The following PAPPA2 variants were observed in gnomAD, a reference collection of about 807,000 sequenced individuals.
The protein encoded by PAPPA2 is pappalysin 2.
In PAPPA2, 86 loss-of-function variants were observed where a neutral mutation model predicts 176.4. That is an observed-to-expected ratio of 0.49 (90% confidence interval 0.41 to 0.58). PAPPA2 has a LOEUF of 0.58. Ranked by LOEUF, PAPPA2 falls within the 20% of genes least tolerant of loss-of-function variation. The probability of loss-of-function intolerance (pLI) is 0.00; values close to 1 mark genes in which losing one functional copy is unlikely to be tolerated. For synonymous variants in PAPPA2, 809 were observed against 852.2 expected (o/e 0.95, Z 0.88); for missense variants, 2,073 against 2,256.9 (o/e 0.92, Z 1.65).
At chr1:176,564,674 C>T (rs1325704424) in intron 2 of PAPPA2, among the ~76,000 whole-genome samples, 2 of 149,530 alleles carry the variant, frequency 1.3e-5, no homozygotes, top group Non-Finnish European at 3.0e-5. Context: ...ATGCTAGTTT[C>T]TTGGTATGAG....
chr1:176,644,779 C>T (rs182434250), intron 3 of PAPPA2, among the ~76,000 whole-genome samples: 1 of 151,718 alleles, frequency 6.6e-6, no homozygotes, highest in Admixed American at 6.6e-5. Flanking sequence ...TTCAGGAAAA[C>T]CTTCCTGGAT....
chr1:176,708,048 C>A (rs573242708), intron 10 of PAPPA2, among the ~76,000 whole-genome samples: 8 of 140,946 alleles, frequency 5.7e-5, no homozygotes, highest in Admixed American at 4.1e-4. Context: ...GTTAACACAA[C>A]CTCTGTTAGC....
intron 1 of PAPPA2, among the ~76,000 whole-genome samples, chr1:176,495,775 AAAAT>A (rs928247535): frequency 1.3e-5 from 2 of 151,210 alleles, no homozygotes; most frequent in Non-Finnish European, 2.9e-5. Context: ...CAGTTAGAAA[AAAAT>A]AAATAAATTT....
chr1:176,834,881 G>A (rs1667212911), intron 21 of PAPPA2, among the ~76,000 whole-genome samples: 1 of 152,188 alleles, frequency 6.6e-6, no homozygotes, highest in African/African-American at 2.4e-5. Flanking sequence ...TGAAGCAGGA[G>A]AATCGCTTGA....
chr1:176,496,502 G>A (rs185012266), intron 1 of PAPPA2, among the ~76,000 whole-genome samples: 30 of 152,180 alleles, frequency 2.0e-4, no homozygotes, highest in Non-Finnish European at 4.0e-4. Context: ...TTGTATTGCC[G>A]AGTGTTCCTT....
intron 4 of PAPPA2, among the ~76,000 whole-genome samples, chr1:176,688,540 C>A (rs1219433242): frequency 2.6e-5 from 4 of 152,120 alleles, no homozygotes; most frequent in Non-Finnish European, 5.9e-5. Context: ...CAGAAAATAA[C>A]CTTATAACAA....
chr1:176,833,512 A>G (rs1667155278), intron 21 of PAPPA2, among the ~76,000 whole-genome samples: 1 of 152,212 alleles, frequency 6.6e-6, no homozygotes. Context: ...CATTCCTAGG[A>G]CAGCCATGGT....
intron 12 of PAPPA2, among the ~76,000 whole-genome samples, chr1:176,720,806 C>T (rs1661581302): frequency 6.6e-6 from 1 of 152,120 alleles, no homozygotes; most frequent in African/African-American, 2.4e-5. Flanking sequence ...ACCAAGGAAG[C>T]CAATGGCATA....
At chr1:176,709,355 T>G (rs1661034586) in intron 10 of PAPPA2, among the ~76,000 whole-genome samples, 1 of 152,090 alleles carries the variant, frequency 6.6e-6, no homozygotes, top group Admixed American at 6.6e-5. Context: ...AGACTCAGGC[T>G]TCCTATCATA....
chr1:176,804,310 C>T (rs866948208), intron 21 of PAPPA2, among the ~76,000 whole-genome samples: 1 of 152,112 alleles, frequency 6.6e-6, no homozygotes, highest in African/African-American at 2.4e-5. Flanking sequence ...CAGCTAGGGA[C>T]AATTTTGCAC....
intron 1 of PAPPA2, among the ~76,000 whole-genome samples, chr1:176,508,017 A>C (rs924460552): frequency 2.0e-5 from 3 of 152,302 alleles, no homozygotes; most frequent in Admixed American, 1.3e-4. Flanking sequence ...GCATTTGGTC[A>C]AGACCTCAGA....
chr1:176,527,471 C>G (rs1649561226), intron 1 of PAPPA2, among the ~76,000 whole-genome samples: 1 of 152,178 alleles, frequency 6.6e-6, no homozygotes, highest in Admixed American at 6.5e-5. Flanking sequence ...AATGTAAGTT[C>G]CATGAGGAGA....
At chr1:176,689,997 T>A (rs1660031934) in intron 4 of PAPPA2, 140 bp from the exon 5 acceptor site, 2 of 744,422 alleles carry the variant, frequency 2.7e-6, no homozygotes, top group Non-Finnish European at 4.4e-6. Context: ...AGAAAAGCAA[T>A]GACTGTATGT....
chr1:176,515,226 A>T (rs1320091726), intron 1 of PAPPA2, among the ~76,000 whole-genome samples: 1 of 152,170 alleles, frequency 6.6e-6, no homozygotes, highest in Non-Finnish European at 1.5e-5. Flanking sequence ...GTGGAGAGGG[A>T]CTTGCAAATG....
At chr1:176,625,525 G>A (rs1655957838) in intron 3 of PAPPA2, among the ~76,000 whole-genome samples, 1 of 152,116 alleles carries the variant, frequency 6.6e-6, no homozygotes, top group Admixed American at 6.6e-5. Context: ...CACACTCTCT[G>A]TTGCACTATC....
intron 1 of PAPPA2, among the ~76,000 whole-genome samples, chr1:176,505,552 G>A (rs1229664510): frequency 2.0e-5 from 3 of 151,996 alleles, no homozygotes; most frequent in Non-Finnish European, 2.9e-5. Flanking sequence ...AAGCCAAGTA[G>A]GGCAGAATTG....
intron 14 of PAPPA2, among the ~76,000 whole-genome samples, chr1:176,742,100 G>T (rs1662703715): frequency 6.6e-6 from 1 of 152,156 alleles, no homozygotes; most frequent in Non-Finnish European, 1.5e-5. Context: ...TGCAAACTCT[G>T]CAAAAGCAGC....
chr1:176,480,814 C>T (rs965791962), intron 1 of PAPPA2, among the ~76,000 whole-genome samples: 1 of 152,208 alleles, frequency 6.6e-6, no homozygotes, highest in African/African-American at 2.4e-5. Context: ...AAGGAAAATC[C>T]TACGTTCATA....
chr1:176,477,834 A>G (rs1022639318), intron 1 of PAPPA2, among the ~76,000 whole-genome samples: 3 of 152,186 alleles, frequency 2.0e-5, no homozygotes, highest in African/African-American at 4.8e-5. Context: ...TACTTTTATG[A>G]CCCACTAAAG....
Sources: gnomAD v4.1 joint callset for allele counts (sites outside exome capture counted in the v4.1 genomes callset) on GRCh38, gnomAD v4.1.1 for gene constraint, MANE v1.5 for transcripts, NCBI Gene and HGNC (gene_info 2026-07-23, HGNC 2026-07-21) for gene names.